The following SMC6 variants were observed in gnomAD, a reference collection of about 807,000 sequenced individuals.
The protein encoded by SMC6 is structural maintenance of chromosomes 6.
Under a neutral mutation model 142.2 loss-of-function variants are expected in SMC6, and 79 were observed. That is an observed-to-expected ratio of 0.56 (90% CI 0.46 to 0.67). The LOEUF (loss-of-function observed/expected upper bound fraction) is 0.67. SMC6 is among the 30% of genes least tolerant of loss of function. SMC6 has a pLI of 0.00. For synonymous variants in SMC6, 411 were observed against 412.4 expected (o/e 1.00, Z 0.04); for missense variants, 1,072 against 1,284.0 (o/e 0.83, Z 2.52).
intron 7 of SMC6, among the ~76,000 whole-genome samples, chr2:17,728,118 C>T (rs1477077883): frequency 6.6e-6 from 1 of 152,150 alleles, no homozygotes; most frequent in African/African-American, 2.4e-5. Context: ...GGAGTTCCTA[C>T]TTGTTATACT....
At position 17,725,363 on chromosome 2, in the gene SMC6, T is replaced by C; in HGVS notation, c.625-5A>G. The C allele has an allele frequency of 6.4e-7, 1 of 1,569,440 alleles. No homozygotes were observed. The highest frequency in any genetic ancestry group is 8.6e-7 in the Non-Finnish European group (1 of 1,163,296). ...TTGCGTTGCTTTCATGAAGAACTAT[T>C]ATCAATAACAAAAAAAAACGCAATT... On this transcript the variant is annotated splice_region_variant and splice_polypyrimidine_tract_variant and intron_variant, in intron 8 of 27. Coordinates refer to ENST00000448223, the MANE Select transcript of SMC6 (RefSeq NM_001142286.2).
chr2:17,722,489 G>GTATAA (rs1669421477), intron 9 of SMC6, among the ~76,000 whole-genome samples: 1 of 151,802 alleles, frequency 6.6e-6, no homozygotes, highest in African/African-American at 2.4e-5. Flanking sequence ...CCATCCCTTG[G>GTATAA]CACCACCTCC....
chr2:17,704,245 C>T (rs562686314), intron 18 of SMC6, among the ~76,000 whole-genome samples: 41 of 151,896 alleles, frequency 2.7e-4, no homozygotes, highest in African/African-American at 9.7e-4. Context: ...ATCAGCTGGA[C>T]CAACTAGGGG....
chr2:17,705,584 T>C (rs990839311), intron 18 of SMC6, among the ~76,000 whole-genome samples: 2 of 151,786 alleles, frequency 1.3e-5, no homozygotes, highest in Non-Finnish European at 2.9e-5. Context: ...ACAAAAAAAA[T>C]TGCCAAGTAA....
chr2:17,702,992 G>A (rs558428107), intron 19 of SMC6, among the ~76,000 whole-genome samples, 165 bp downstream of exon 19: 52 of 152,020 alleles, frequency 3.4e-4, no homozygotes, highest in African/African-American at 1.2e-3. Context: ...AAATGTAAAC[G>A]TTGACAGATA....
intron 3 of SMC6, among the ~76,000 whole-genome samples, chr2:17,743,503 AC>A (rs1406633836): frequency 1.3e-5 from 2 of 151,856 alleles, no homozygotes; most frequent in Non-Finnish European, 2.9e-5. Flanking sequence ...TATACCCCCT[AC>A]CCCCACACAT....
chr2:17,738,387 C>G, intron 4 of SMC6, 61 bp from the exon 5 acceptor site: 1 of 1,177,264 alleles, frequency 8.5e-7, no homozygotes, highest in Non-Finnish European at 1.2e-6. Flanking sequence ...AAGCTGACTC[C>G]TACCATGTAA....
Position 17,703,039 on chromosome 2 carries a change from G to A in SMC6, c.2142+118C>T. ...ATGAAAGCTCTTTGATGAGTGTAAA[G>A]GGGCTTGAGGCCAAAAGGTTTGAGA... On this transcript the variant is annotated intron_variant, in intron 19 of 27. Transcript: ENST00000448223. 3 of 597,070 alleles carry A rather than the reference G, an allele frequency of 5.0e-6. No individual in the cohort carries two copies. In the South Asian group the frequency reaches 8.0e-5, roughly 16 times the overall value. The allele number at this position is 597,070 out of a possible 1,614,324, so 37.0% of individuals were successfully genotyped here. A position where few individuals can be genotyped will look rare whatever the true frequency, so the allele number is the denominator to read the frequency against.
In SMC6 at chr2:17,664,308, C is replaced by T. The variant is rs191894114; in HGVS notation, c.*1191G>A. On this transcript the variant is annotated 3_prime_UTR_variant, in exon 28 of 28. Coordinates refer to ENST00000448223, the MANE Select transcript of SMC6 (RefSeq NM_001142286.2). ...TTTTTGAACTTCTCATTTGGCAAAC[C>T]TCAATTTAAGACTAAAGTATCTTAA... 3.3e-5 allele frequency: 5 copies of T among 152,280 alleles called. No homozygotes were observed. The highest frequency in any genetic ancestry group is 3.3e-4 in the Admixed American group (5 of 15,292). 9.4% of individuals were successfully genotyped at this position (152,280 alleles called of 1,614,324 possible). A position where few individuals can be genotyped will look rare whatever the true frequency, so the allele number is the denominator to read the frequency against.
intron 23 of SMC6, among the ~76,000 whole-genome samples, chr2:17,689,662 C>A (rs976612371): frequency 2.0e-5 from 3 of 152,178 alleles, no homozygotes; most frequent in Non-Finnish European, 2.9e-5. Flanking sequence ...GGAACTAGAT[C>A]CAGGGCCCCC....
chr2:17,714,758 A>G, intron 16 of SMC6, 103 bp downstream of exon 16: 1 of 1,203,122 alleles, frequency 8.3e-7, no homozygotes. Flanking sequence ...AATTTTACAA[A>G]TCAGTGGTAA....
intron 15 of SMC6, among the ~76,000 whole-genome samples, chr2:17,715,444 GA>G (rs941764696): frequency 1.0e-3 from 144 of 139,170 alleles, no homozygotes; most frequent in Admixed American, 9.3e-3. Flanking sequence ...AATGGGATGC[GA>G]AAAAAAAAAG....
Position 17,703,223 on chromosome 2 carries a change from A to C in SMC6, c.2076T>G (p.Leu692=). 6.3e-7 allele frequency: 1 copy of C among 1,599,710 alleles called. No homozygotes were observed. Among genetic ancestry groups the C allele is most frequent in the East Asian group, 2.2e-5 (1 of 44,552 alleles). Residue 692 remains leucine, a synonymous_variant, in exon 19 of 28, where the codon CTT becomes CTG. Coordinates refer to ENST00000448223, the MANE Select transcript of SMC6 (RefSeq NM_001142286.2). ...ILNLQQHLSA[L]EKDIKHNEEL... ...CCTCATTGTGTTTAATATCTTTTTC[A>C]AGGGCAGATAAATGTTGCTGAAGAT...
chr2:17,716,000 T>C, intron 15 of SMC6, 86 bp downstream of exon 15: 1 of 1,135,272 alleles, frequency 8.8e-7, no homozygotes, highest in Non-Finnish European at 1.2e-6. Context: ...TGAAATCATT[T>C]TATTTCGAAA....
intron 25 of SMC6, among the ~76,000 whole-genome samples, chr2:17,673,834 G>C (rs1666883872): frequency 6.6e-6 from 1 of 151,942 alleles, no homozygotes; most frequent in Non-Finnish European, 1.5e-5. Context: ...CTCCCAAAGT[G>C]CCGGGATTAT....
At chr2:17,696,511 G>T (rs965432024) in intron 21 of SMC6, 85 bp from the exon 22 acceptor site, 24 of 1,405,062 alleles carry the variant, frequency 1.7e-5, no homozygotes, top group Admixed American at 6.5e-5. Context: ...CGGTAAAGTG[G>T]CTAGGATTAT....
At chr2:17,705,386 T>G (rs7587441) in intron 18 of SMC6, among the ~76,000 whole-genome samples, 77,866 of 151,862 alleles carry the variant, frequency 0.51, 22,646 homozygotes, top group African/African-American at 0.78. Context: ...AGACCAGCCT[T>G]GTCAATATGG....
intron 27 of SMC6, among the ~76,000 whole-genome samples, chr2:17,666,006 T>C (rs913653711): frequency 7.2e-5 from 11 of 152,180 alleles, no homozygotes; most frequent in Admixed American, 3.9e-4. Flanking sequence ...TGCTTGACAA[T>C]TGTAGGCACC....
chr2:17,702,011 G>A (rs1668292758), intron 19 of SMC6, 102 bp from the exon 20 acceptor site: 2 of 635,002 alleles, frequency 3.1e-6, no homozygotes, highest in African/African-American at 1.9e-5. Flanking sequence ...TGATGATACA[G>A]AAGGATTCCA....
Sources: gnomAD v4.1 joint callset for allele counts (sites outside exome capture counted in the v4.1 genomes callset) on GRCh38, gnomAD v4.1.1 for gene constraint, MANE v1.5 for transcripts, NCBI Gene and HGNC (gene_info 2026-07-23, HGNC 2026-07-21) for gene names.